METTL14: variants seen among roughly 807,000 people sequenced by gnomAD.
The protein encoded by METTL14 is N(6)-adenosine-methyltransferase non-catalytic subunit METTL14.
METTL14 carries 32 observed loss-of-function variants against 62.4 expected under a neutral mutation model. That is an observed-to-expected ratio of 0.51 (90% CI 0.39 to 0.69). The LOEUF is 0.69. METTL14 is among the 30% of genes least tolerant of loss of function. METTL14 has a pLI of 0.00. For synonymous variants in METTL14, 150 were observed against 180.0 expected (o/e 0.83, Z 1.34); for missense variants, 340 against 551.9 (o/e 0.62, Z 3.85).
At chr4:118,702,940 T>C (rs2110407634) in intron 8 of METTL14, among the ~76,000 whole-genome samples, 1 of 105,380 alleles carries the variant, frequency 9.5e-6, no homozygotes, top group African/African-American at 3.4e-5. Context: ...TGGAAGGTTT[T>C]ATTATTATTA....
intron 9 of METTL14, 144 bp from the exon 10 acceptor site, chr4:118,705,467 C>G: frequency 1.4e-6 from 1 of 690,460 alleles, no homozygotes; most frequent in Non-Finnish European, 2.5e-6. Context: ...GAGCGAGACC[C>G]AGTCTCAAAA....
intron 10 of METTL14, among the ~76,000 whole-genome samples, chr4:118,708,067 C>A (rs562901534): frequency 6.6e-6 from 1 of 152,100 alleles, no homozygotes; most frequent in African/African-American, 2.4e-5. Flanking sequence ...CCCAAGTGAT[C>A]GCCCGCCTTG....
At chr4:118,697,107 C>A in intron 6 of METTL14, 75 bp from the exon 7 acceptor site, 1 of 1,073,654 alleles carries the variant, frequency 9.3e-7, no homozygotes, top group Non-Finnish European at 1.3e-6. Flanking sequence ...TCATTACCAT[C>A]TGTTAAGGTA....
intron 5 of METTL14, among the ~76,000 whole-genome samples, chr4:118,692,951 C>CT (rs1427609428): frequency 2.0e-5 from 3 of 152,284 alleles, no homozygotes; most frequent in African/African-American, 7.2e-5. Context: ...TCACTGGCTT[C>CT]TTTCACTTAG....
chr4:118,696,320 C>T (rs1724411187), intron 6 of METTL14, among the ~76,000 whole-genome samples: 1 of 151,634 alleles, frequency 6.6e-6, no homozygotes, highest in African/African-American at 2.4e-5. Flanking sequence ...TGAGACCAGG[C>T]TGGTCTCAAA....
In METTL14 at chr4:118,715,086, A is replaced by T. The variant is rs570530366; in HGVS notation, c.*4784A>T. ...TTTAAAATTGCCGTATAATGATGTC[A>T]TTGCAAGCCATTCATCTATCCAATG... On this transcript the variant is annotated 3_prime_UTR_variant, in exon 11 of 11. Transcript: ENST00000388822. 7 of 152,250 alleles carry T rather than the reference A, an allele frequency of 4.6e-5. No individual in the cohort carries two copies. Among genetic ancestry groups the T allele is most frequent in the Non-Finnish European group, 1.0e-4 (7 of 68,048 alleles). 9.4% of individuals were successfully genotyped at this position (152,250 alleles called of 1,614,324 possible). A position where few individuals can be genotyped will look rare whatever the true frequency, so the allele number is the denominator to read the frequency against.
chr4:118,691,891 T>TA, intron 4 of METTL14, 90 bp from the exon 5 acceptor site: 1 of 835,020 alleles, frequency 1.2e-6, no homozygotes, highest in Non-Finnish European at 1.9e-6. Context: ...TGATTGCATT[T>TA]TATATCACCT....
In METTL14 at chr4:118,685,513, A is replaced by G. The variant is rs1427190533; in HGVS notation, c.-22A>G. 4 of 1,612,644 alleles carry G rather than the reference A, an allele frequency of 2.5e-6. No homozygotes were observed. In the South Asian group the frequency reaches 3.3e-5, roughly 13 times the overall value. ...CTGGAGATTGACAAGTACTCGGGAT[A>G]GTGAAAAGCCGGAGTTGGAACATGG... On this transcript the variant is annotated 5_prime_UTR_variant, in exon 1 of 11. It adds an upstream start codon to the 5' untranslated region. Transcript: ENST00000388822.
chr4:118,706,620 G>T (rs922847206), intron 10 of METTL14, among the ~76,000 whole-genome samples: 1 of 152,178 alleles, frequency 6.6e-6, no homozygotes, highest in South Asian at 2.1e-4. Context: ...ATGCTGGATT[G>T]TATGGTAAGA....
At chr4:118,692,154 A>C in intron 5 of METTL14, 86 bp downstream of exon 5, 1 of 806,848 alleles carries the variant, frequency 1.2e-6, no homozygotes, top group Non-Finnish European at 2.0e-6. Flanking sequence ...TTTCTAACAA[A>C]ATTATTTCTC....
chr4:118,705,959 G>A, intron 10 of METTL14, 138 bp downstream of exon 10: 1 of 711,572 alleles, frequency 1.4e-6, no homozygotes, highest in Admixed American at 2.8e-5. Flanking sequence ...AACAGTTTCA[G>A]GTCCACAGCA....
chr4:118,687,427 C>CT (rs1247863134), intron 1 of METTL14, among the ~76,000 whole-genome samples: 1 of 152,112 alleles, frequency 6.6e-6, no homozygotes, highest in Non-Finnish European at 1.5e-5. Context: ...GCTAAAGTGT[C>CT]TTATTTTCAA....
Position 118,697,253 on chromosome 4 carries a change from A to G in METTL14, c.575A>G (p.Glu192Gly). The G allele has an allele frequency of 1.2e-6, 2 of 1,612,450 alleles. No individual in the cohort carries two copies. The highest frequency in any genetic ancestry group is 1.1e-5 in the South Asian group (1 of 90,830). The change falls in exon 7 of 11, where the codon GAA becomes GGA. Residue 192 changes from glutamate (E) to glycine (G), a missense_variant. By Grantham distance (98) the Glu-to-Gly change is moderately conservative (BLOSUM62 -2). Coordinates refer to ENST00000388822, the MANE Select transcript of METTL14 (RefSeq NM_020961.4). ...CCCAAATTTGATGTGATTCTTCTGG[A>G]ACCCCCTTTAGAAGAATATTACAGA... ...LTPKFDVILL[E>G]PPLEEYYRET... is the part of the protein sequence containing the mutation.
rs1724439745 is a variant in METTL14 at position 118,697,242 on chromosome 4, G to A, written c.564G>A (p.Val188=). Residue 188 remains valine (V), a synonymous_variant, in exon 7 of 11, where the codon GTG becomes GTA. Coordinates refer to ENST00000388822, the MANE Select transcript of METTL14 (RefSeq NM_020961.4). ...GAGAACTAACACCCAAATTTGATGT[G>A]ATTCTTCTGGAACCCCCTTTAGAAG... ...DIRELTPKFD[V]ILLEPPLEEY... The A allele has an allele frequency of 6.2e-7, 1 of 1,611,844 alleles. No homozygotes were observed. The highest frequency in any genetic ancestry group is 8.5e-7 in the Non-Finnish European group (1 of 1,178,798).
intron 1 of METTL14, among the ~76,000 whole-genome samples, chr4:118,686,970 G>C (rs1724084381): frequency 6.6e-6 from 1 of 152,218 alleles, no homozygotes; most frequent in South Asian, 2.1e-4. Context: ...TTTTAAGGTA[G>C]TAAAGTTCAG....
chr4:118,706,676 C>G (rs1724764334), intron 10 of METTL14, among the ~76,000 whole-genome samples: 1 of 152,194 alleles, frequency 6.6e-6, no homozygotes, highest in South Asian at 2.1e-4. Context: ...TCTGAAGTGC[C>G]TGTACCATTT....
intron 5 of METTL14, 117 bp from the exon 6 acceptor site, chr4:118,694,319 A>G: frequency 1.6e-6 from 1 of 634,382 alleles, no homozygotes; most frequent in Non-Finnish European, 2.7e-6. Flanking sequence ...TCCTTAAAAG[A>G]TATGAGTCAA....
At chr4:118,700,418 G>A (rs550259872) in intron 7 of METTL14, 132 bp from the exon 8 acceptor site, 559 of 642,264 alleles carry the variant, frequency 8.7e-4, no homozygotes, top group Non-Finnish European at 1.4e-3. Context: ...TTTATTTTCT[G>A]TTAGTTCCTA....
Position 118,713,735 on chromosome 4 carries a change from G to C in METTL14, c.*3433G>C, listed in dbSNP as rs796981165. 6.6e-6 allele frequency: 1 copy of C among 152,058 alleles called. No homozygotes were observed. The highest frequency in any genetic ancestry group is 1.5e-5 in the Non-Finnish European group (1 of 68,030). 9.4% of individuals were successfully genotyped at this position (152,058 alleles called of 1,614,324 possible). The stretch of plus-strand genomic sequence containing the variant: ...GCTGAACTTTTCTTGTGTATATATA[G>C]TTAGTTTTGAGGCCATAAATCTAGG... On this transcript the variant is annotated 3_prime_UTR_variant, in exon 11 of 11. Transcript: ENST00000388822.
Sources: allele counts gnomAD v4.1 joint callset (sites outside exome capture counted in the v4.1 genomes callset), GRCh38; gene constraint gnomAD v4.1.1; transcripts MANE v1.5; gene names NCBI Gene and HGNC (gene_info 2026-07-23, HGNC 2026-07-21).